The following RALYL variants were observed in gnomAD, a reference collection of about 807,000 sequenced individuals.
RALYL encodes the protein RALY RNA binding protein like, also known as RNA-binding Raly-like protein.
In RALYL, 29 loss-of-function variants were observed where a neutral mutation model predicts 35.1. That is an observed-to-expected ratio of 0.83 (90% CI 0.61 to 1.13). RALYL has a LOEUF of 1.13. Ranked by LOEUF, RALYL falls within the 50% of genes most tolerant of loss-of-function variation. RALYL has a pLI of 0.00. For synonymous variants in RALYL, 120 were observed against 127.6 expected (o/e 0.94, Z 0.40); for missense variants, 359 against 360.4 (o/e 1.00, Z 0.03).
intron 1 of RALYL, among the ~76,000 whole-genome samples, chr8:84,219,551 T>C (rs1563553352): frequency 6.6e-6 from 1 of 151,744 alleles, no homozygotes. Context: ...CCTTTTTCAC[T>C]CACACTTCGT....
At chr8:84,693,628 T>C (rs1252861986) in intron 2 of RALYL, among the ~76,000 whole-genome samples, 1 of 151,850 alleles carries the variant, frequency 6.6e-6, no homozygotes, top group Admixed American at 6.6e-5. Context: ...AGGCCAGCAT[T>C]ACTCTGATAC....
chr8:84,827,315 A>C (rs927007057), intron 4 of RALYL, among the ~76,000 whole-genome samples: 4 of 152,148 alleles, frequency 2.6e-5, no homozygotes, highest in African/African-American at 9.7e-5. Flanking sequence ...CTAATAAAAT[A>C]TGCTCACCAC....
chr8:84,754,153 A>G (rs1450857311), intron 2 of RALYL, among the ~76,000 whole-genome samples: 1 of 151,712 alleles, frequency 6.6e-6, no homozygotes, highest in East Asian at 1.9e-4. Flanking sequence ...ATTAGATCCC[A>G]TTTGTCAATT....
intron 1 of RALYL, among the ~76,000 whole-genome samples, chr8:84,501,599 A>G (rs896618044): frequency 1.3e-5 from 2 of 151,966 alleles, no homozygotes; most frequent in African/African-American, 4.8e-5. Context: ...ACCAACATAT[A>G]CAAATTGGAA....
intron 1 of RALYL, among the ~76,000 whole-genome samples, chr8:84,263,575 T>C (rs993763840): frequency 5.9e-5 from 9 of 152,230 alleles, no homozygotes; most frequent in Non-Finnish European, 1.0e-4. Flanking sequence ...TAGGTTAGTA[T>C]TGAAGACGGA....
At chr8:84,636,272 G>T (rs1247283269) in intron 2 of RALYL, among the ~76,000 whole-genome samples, 1 of 151,514 alleles carries the variant, frequency 6.6e-6, no homozygotes, top group Non-Finnish European at 1.5e-5. Flanking sequence ...CTAAAATGTG[G>T]AATTTATCAC....
intron 8 of RALYL, among the ~76,000 whole-genome samples, chr8:84,909,477 G>A (rs10099017): frequency 0.35 from 53,258 of 151,808 alleles, 10,261 homozygotes; most frequent in East Asian, 0.61. Context: ...ACACAGAACT[G>A]GTTGAGCATT....
At chr8:84,866,889 A>T (rs546098074) in intron 6 of RALYL, among the ~76,000 whole-genome samples, 2 of 152,326 alleles carry the variant, frequency 1.3e-5, no homozygotes, top group African/African-American at 4.8e-5. Context: ...AGATAAAAAA[A>T]TTCTCAGCAA....
chr8:84,747,362 A>G (rs1023775777), intron 2 of RALYL, among the ~76,000 whole-genome samples: 3 of 152,022 alleles, frequency 2.0e-5, no homozygotes, highest in African/African-American at 7.2e-5. Flanking sequence ...TTTAAAACCA[A>G]TTTATACATT....
chr8:84,461,721 T>G (rs1307231846), intron 1 of RALYL, among the ~76,000 whole-genome samples: 1 of 151,784 alleles, frequency 6.6e-6, no homozygotes, highest in East Asian at 1.9e-4. Flanking sequence ...TTTAATGTAT[T>G]TACTGTAATT....
Position 84,213,823 on chromosome 8 carries a change from T to C in RALYL, c.-24+29399T>C, listed in dbSNP as rs546457020. 2.0e-5 allele frequency among the ~76,000 whole-genome samples: 3 copies of C among 152,350 alleles called. No homozygotes were observed. The South Asian group carries it at 6.2e-4, about 32-fold the overall frequency. On this transcript the variant is annotated intron_variant, in intron 1 of 8. Transcript: ENST00000521268. The stretch of plus-strand genomic sequence containing the variant: ...ATGCTCAATTGACATACATACATAT[T>C]GGAAGTTATGTATGCAATAACGATC...
chr8:84,680,069 C>G (rs1182172902), intron 2 of RALYL, among the ~76,000 whole-genome samples: 1 of 151,816 alleles, frequency 6.6e-6, no homozygotes, highest in African/African-American at 2.4e-5. Flanking sequence ...TCTCATTGTT[C>G]AATTCCCACC....
chr8:84,405,108 A>G (rs1160386736), intron 1 of RALYL, among the ~76,000 whole-genome samples: 1 of 152,218 alleles, frequency 6.6e-6, no homozygotes, highest in African/African-American at 2.4e-5. Context: ...CTGCTCCTGA[A>G]TGACTACTGG....
At chr8:84,508,028 T>A (rs2057318173) in intron 1 of RALYL, among the ~76,000 whole-genome samples, 2 of 152,046 alleles carry the variant, frequency 1.3e-5, no homozygotes, top group Admixed American at 1.3e-4. Flanking sequence ...TGCATTAGAG[T>A]CAATATGTTC....
intron 1 of RALYL, among the ~76,000 whole-genome samples, chr8:84,524,862 G>A (rs2058750546): frequency 6.6e-6 from 1 of 151,632 alleles, no homozygotes; most frequent in African/African-American, 2.4e-5. Flanking sequence ...CTGAAATACA[G>A]CTACACTATT....
At chr8:84,378,809 CAT>C (rs1327259273) in intron 1 of RALYL, among the ~76,000 whole-genome samples, 3 of 151,750 alleles carry the variant, frequency 2.0e-5, no homozygotes, top group African/African-American at 7.3e-5. Context: ...AGTTTGTTAT[CAT>C]ATGTGTCACA....
At chr8:84,700,482 C>T (rs577853552) in intron 2 of RALYL, among the ~76,000 whole-genome samples, 1 of 152,066 alleles carries the variant, frequency 6.6e-6, no homozygotes, top group African/African-American at 2.4e-5. Context: ...CTAAGGAGTA[C>T]AGAATTGATT....
intron 7 of RALYL, among the ~76,000 whole-genome samples, chr8:84,879,366 G>A (rs1039069471): frequency 6.6e-6 from 1 of 152,022 alleles, no homozygotes; most frequent in African/African-American, 2.4e-5. Flanking sequence ...TATTCTTCAG[G>A]AAAGAAAAAG....
At chr8:84,185,238 TA>T (rs992204726) in intron 1 of RALYL, 10 of 580,040 alleles carry the variant, frequency 1.7e-5, no homozygotes, top group Non-Finnish European at 2.5e-5. Flanking sequence ...TCTAAGGTAT[TA>T]AAAAAATGCC....
Sources: allele counts gnomAD v4.1 joint callset (sites outside exome capture counted in the v4.1 genomes callset), GRCh38; gene constraint gnomAD v4.1.1; transcripts MANE v1.5; gene names NCBI Gene and HGNC (gene_info 2026-07-23, HGNC 2026-07-21).